DLG2: variants seen among roughly 807,000 people sequenced by gnomAD.
DLG2 encodes discs large MAGUK scaffold protein 2, also known as disks large homolog 2.
In DLG2, 45 loss-of-function variants were observed where a neutral mutation model predicts 132.5. The observed-to-expected ratio is 0.34, with a 90% CI of 0.27 to 0.44. The LOEUF is 0.44. DLG2 is among the 20% of genes least tolerant of loss of function. DLG2 has a pLI of 1.00. For synonymous variants in DLG2, 424 were observed against 419.6 expected (o/e 1.01, Z -0.13); for missense variants, 1,045 against 1,196.9 (o/e 0.87, Z 1.87).
intron 7 of DLG2, among the ~76,000 whole-genome samples, chr11:84,307,714 A>G (rs1223617682): frequency 2.7e-5 from 4 of 147,148 alleles, no homozygotes; most frequent in African/African-American, 7.4e-5. Context: ...AAAAAAAAAA[A>G]AAGAAGCCGC....
intron 17 of DLG2, among the ~76,000 whole-genome samples, chr11:83,820,469 C>T (rs1009234680): frequency 6.6e-6 from 1 of 152,128 alleles, no homozygotes; most frequent in African/African-American, 2.4e-5. Context: ...ATGCTATCAG[C>T]CACATTATTA....
rs185025076 is a variant in DLG2 at position 84,992,231 on chromosome 11, T to A, written c.357+119430A>T. Among the ~76,000 whole-genome samples, 294 of 152,262 alleles carry A rather than the reference T, an allele frequency of 1.9e-3. 1 individual carries two copies. Among genetic ancestry groups the A allele is most frequent in the African/African-American group, 6.7e-3 (280 of 41,554 alleles). ...ATTACTTCAATATTTTTTAAAGAAT[T>A]GTATGCCTTCCTCCAAAGGGCTTAT... is the stretch of plus-strand genomic sequence containing the variant. On this transcript the variant is annotated intron_variant, in intron 6 of 27. Transcript: ENST00000376104.
chr11:84,615,754 A>T (rs1405659589), intron 6 of DLG2, among the ~76,000 whole-genome samples: 1 of 150,490 alleles, frequency 6.6e-6, no homozygotes, highest in East Asian at 1.9e-4. Flanking sequence ...TTTTGTCTCC[A>T]AATTATCTGA....
chr11:83,626,156 A>C (rs1215397853), intron 19 of DLG2, among the ~76,000 whole-genome samples: 1 of 152,232 alleles, frequency 6.6e-6, no homozygotes. Flanking sequence ...CAAGGACCAG[A>C]GCAGTCACTA....
intron 15 of DLG2, among the ~76,000 whole-genome samples, chr11:83,875,706 T>C (rs2064602195): frequency 6.6e-6 from 1 of 152,162 alleles, no homozygotes; most frequent in African/African-American, 2.4e-5. Context: ...TGAACAAGTG[T>C]ATATATACAT....
At chr11:84,131,344 G>A (rs1359533870) in intron 9 of DLG2, among the ~76,000 whole-genome samples, 4 of 151,934 alleles carry the variant, frequency 2.6e-5, no homozygotes, top group Non-Finnish European at 4.4e-5. Context: ...ATCTTCTAAA[G>A]TAGGTCTGAG....
At chr11:84,470,203 A>G (rs1275170950) in intron 7 of DLG2, among the ~76,000 whole-genome samples, 1 of 151,726 alleles carries the variant, frequency 6.6e-6, no homozygotes, top group Non-Finnish European at 1.5e-5. Flanking sequence ...ACATAGTTGA[A>G]TCTAAATCAG....
intron 19 of DLG2, among the ~76,000 whole-genome samples, chr11:83,546,937 T>A (rs7113026): frequency 6.6e-6 from 1 of 151,842 alleles, no homozygotes; most frequent in African/African-American, 2.4e-5. Context: ...TGTCATGCCA[T>A]CTATCAAGTG....
chr11:83,788,350 T>G (rs1468286170), intron 17 of DLG2, among the ~76,000 whole-genome samples: 1 of 152,200 alleles, frequency 6.6e-6, no homozygotes, highest in East Asian at 1.9e-4. Context: ...GGTGAACTCC[T>G]TACAGAAAGC....
At chr11:84,301,581 C>T (rs1425974838) in intron 7 of DLG2, among the ~76,000 whole-genome samples, 1 of 149,986 alleles carries the variant, frequency 6.7e-6, no homozygotes, top group African/African-American at 2.5e-5. Flanking sequence ...AGGGTGTGAA[C>T]CCGGGAGGTG....
At chr11:85,330,792 T>TAAAAAA (rs56995757) in intron 3 of DLG2, among the ~76,000 whole-genome samples, 136 of 116,326 alleles carry the variant, frequency 1.2e-3, no homozygotes, top group South Asian at 1.9e-3. Context: ...AAAAAAAAAT[T>TAAAAAA]AAAAAAAAAA....
At chr11:84,057,120 C>T (rs2096516388) in intron 11 of DLG2, among the ~76,000 whole-genome samples, 1 of 152,264 alleles carries the variant, frequency 6.6e-6, no homozygotes, top group Middle Eastern at 3.4e-3. Context: ...ACAGCAATTA[C>T]TGCCCCACTC....
At chr11:85,121,217 T>C (rs2074272216) in intron 5 of DLG2, among the ~76,000 whole-genome samples, 1 of 151,988 alleles carries the variant, frequency 6.6e-6, no homozygotes, top group Admixed American at 6.6e-5. Flanking sequence ...AAACATAATG[T>C]ATTCCACTTA....
chr11:84,583,659 G>A (rs2099521949), intron 6 of DLG2, among the ~76,000 whole-genome samples: 1 of 152,042 alleles, frequency 6.6e-6, no homozygotes, highest in Admixed American at 6.5e-5. Context: ...CTTCATTCTT[G>A]TATCTCTGTA....
chr11:83,963,762 G>T (rs7116071), intron 13 of DLG2, among the ~76,000 whole-genome samples: 22,677 of 151,748 alleles, frequency 0.15, 2,240 homozygotes, highest in African/African-American at 0.27. Flanking sequence ...CCTATCATCC[G>T]CAAACATAGG....
At chr11:85,448,945 C>T (rs1367293897) in intron 3 of DLG2, among the ~76,000 whole-genome samples, 1 of 152,154 alleles carries the variant, frequency 6.6e-6, no homozygotes, top group African/African-American at 2.4e-5. Context: ...TCCTTCCACT[C>T]TCTTTTAAGT....
intron 18 of DLG2, among the ~76,000 whole-genome samples, chr11:83,703,761 A>T (rs567057550): frequency 2.6e-4 from 40 of 152,360 alleles, no homozygotes; most frequent in African/African-American, 9.6e-4. Context: ...AGATCATATA[A>T]ATAACCCATA....
intron 18 of DLG2, among the ~76,000 whole-genome samples, chr11:83,727,271 G>A (rs906646531): frequency 1.2e-4 from 19 of 152,086 alleles, no homozygotes; most frequent in Non-Finnish European, 2.2e-4. Context: ...TAAGTTGTAA[G>A]GGACCTCTTA....
chr11:85,415,855 G>A (rs2089790955), intron 3 of DLG2, among the ~76,000 whole-genome samples: 1 of 152,104 alleles, frequency 6.6e-6, no homozygotes, highest in Non-Finnish European at 1.5e-5. Flanking sequence ...AAACTAAAGA[G>A]TGGAAGCTCT....
Sources: allele counts gnomAD v4.1 joint callset (sites outside exome capture counted in the v4.1 genomes callset), GRCh38; gene constraint gnomAD v4.1.1; transcripts MANE v1.5; gene names NCBI Gene and HGNC (gene_info 2026-07-23, HGNC 2026-07-21).